The following NKAIN2 variants were observed in gnomAD, a reference collection of about 807,000 sequenced individuals.
The protein encoded by NKAIN2 is sodium/potassium transporting ATPase interacting 2.
In NKAIN2, 14 loss-of-function variants were observed where a neutral mutation model predicts 32.6. That is an observed-to-expected ratio of 0.43 (90% CI 0.28 to 0.67). The LOEUF is 0.67. Ranked by LOEUF, NKAIN2 falls within the 30% of genes least tolerant of loss-of-function variation. The probability of loss-of-function intolerance (pLI) is 0.17; values close to 1 mark genes in which losing one functional copy is unlikely to be tolerated. For synonymous variants in NKAIN2, 80 were observed against 87.2 expected (o/e 0.92, Z 0.46); for missense variants, 198 against 258.3 (o/e 0.77, Z 1.60).
chr6:124,085,723 C>G (rs1784165712), intron 1 of NKAIN2, among the ~76,000 whole-genome samples: 2 of 151,928 alleles, frequency 1.3e-5, no homozygotes, highest in African/African-American at 2.4e-5. Context: ...AGCAAGTATT[C>G]CTGCCCTCCT....
intron 1 of NKAIN2, among the ~76,000 whole-genome samples, chr6:123,807,638 C>T (rs1208136764): frequency 2.6e-5 from 4 of 151,994 alleles, no homozygotes; most frequent in Non-Finnish European, 5.9e-5. Flanking sequence ...TGATATCTCT[C>T]AGTGTGAAAA....
chr6:124,726,828 A>G (rs1270480678), intron 4 of NKAIN2, among the ~76,000 whole-genome samples: 1 of 133,318 alleles, frequency 7.5e-6, no homozygotes, highest in Non-Finnish European at 1.6e-5. Context: ...AGAAGAATGT[A>G]TAACTAGAAT....
intron 3 of NKAIN2, among the ~76,000 whole-genome samples, chr6:124,490,091 G>C (rs369287774): frequency 6.6e-6 from 1 of 151,806 alleles, no homozygotes; most frequent in East Asian, 1.9e-4. Context: ...TTACAGCCAA[G>C]TTACATTTGC....
At chr6:124,138,012 A>G (rs1786910746) in intron 1 of NKAIN2, among the ~76,000 whole-genome samples, 1 of 152,144 alleles carries the variant, frequency 6.6e-6, no homozygotes, top group Non-Finnish European at 1.5e-5. Flanking sequence ...AAATAAATAA[A>G]TGGAACCTAC....
At position 123,892,496 on chromosome 6, in the gene NKAIN2, GA is replaced by G. The variant is rs1450059365; in HGVS notation, c.54+88244del. Among the ~76,000 whole-genome samples the G allele has an allele frequency of 9.5e-5, 12 of 125,894 alleles. No homozygotes were observed. The Admixed American group carries it at 1.0e-3, about 11-fold the overall frequency. 82.6% of individuals were successfully genotyped at this position (125,894 alleles called of 152,430 possible). On this transcript the variant is annotated intron_variant, in intron 1 of 6. Coordinates refer to ENST00000368417, the MANE Select transcript of NKAIN2 (RefSeq NM_001040214.3). ...GCTCTCATGAGACTCGCTATCATGA[GA>G]ACAGCATGGGGGAAACCACCCCCAT...
intron 3 of NKAIN2, among the ~76,000 whole-genome samples, chr6:124,473,555 G>A (rs1777062272): frequency 6.6e-6 from 1 of 151,950 alleles, no homozygotes; most frequent in East Asian, 1.9e-4. Context: ...CTTACTTGTT[G>A]GCACTTTTTT....
At chr6:123,897,429 G>T (rs1233930863) in intron 1 of NKAIN2, among the ~76,000 whole-genome samples, 2 of 152,070 alleles carry the variant, frequency 1.3e-5, no homozygotes, top group Non-Finnish European at 2.9e-5. Flanking sequence ...CCTCTCAAAT[G>T]CTTTTTGATT....
intron 1 of NKAIN2, among the ~76,000 whole-genome samples, chr6:124,190,402 A>T (rs1031652399): frequency 2.0e-5 from 3 of 152,222 alleles, no homozygotes; most frequent in Non-Finnish European, 4.4e-5. Flanking sequence ...AAACCATTTG[A>T]ATGACTGACT....
intron 1 of NKAIN2, among the ~76,000 whole-genome samples, chr6:123,830,513 A>G (rs1487801205): frequency 2.0e-5 from 3 of 152,174 alleles, no homozygotes; most frequent in Non-Finnish European, 4.4e-5. Context: ...CCTCATCTGC[A>G]AAATTATTTT....
chr6:124,441,211 T>C (rs1775674752), intron 3 of NKAIN2, among the ~76,000 whole-genome samples: 1 of 152,084 alleles, frequency 6.6e-6, no homozygotes, highest in Admixed American at 6.6e-5. Context: ...GAATCCTGTG[T>C]CAATGGATCA....
At chr6:123,881,105 G>A (rs536488675) in intron 1 of NKAIN2, among the ~76,000 whole-genome samples, 5 of 152,118 alleles carry the variant, frequency 3.3e-5, no homozygotes, top group South Asian at 4.2e-4. Context: ...AACTGCAACC[G>A]CCACCTCCCC....
intron 1 of NKAIN2, among the ~76,000 whole-genome samples, chr6:124,065,095 C>T (rs1020667775): frequency 6.6e-6 from 1 of 152,084 alleles, no homozygotes; most frequent in Non-Finnish European, 1.5e-5. Flanking sequence ...CACTTTTTCT[C>T]ACAATGTAAC....
intron 1 of NKAIN2, among the ~76,000 whole-genome samples, chr6:123,943,990 A>G (rs1776948569): frequency 6.6e-6 from 1 of 152,054 alleles, no homozygotes; most frequent in African/African-American, 2.4e-5. Flanking sequence ...AATTTTAGAT[A>G]AATATTATTT....
rs190564481 is a variant in NKAIN2 at position 123,975,709 on chromosome 6, A to G, written c.54+171455A>G. Among the ~76,000 whole-genome samples the G allele has an allele frequency of 6.6e-5, 10 of 152,270 alleles. No individual in the cohort carries two copies. The East Asian group carries it at 1.5e-3, about 24-fold the overall frequency. ...TGCTGTGTCTTCACATAGCAAAAGA[A>G]GAGAGTCTCTTAGCCCTTTATAAAG... On this transcript the variant is annotated intron_variant, in intron 1 of 6. Transcript: ENST00000368417.
At chr6:123,858,971 A>G (rs1775670882) in intron 1 of NKAIN2, among the ~76,000 whole-genome samples, 1 of 152,198 alleles carries the variant, frequency 6.6e-6, no homozygotes. Context: ...ATAAGCACAT[A>G]TATTGACATA....
At chr6:123,959,565 T>C (rs1386752114) in intron 1 of NKAIN2, among the ~76,000 whole-genome samples, 1 of 152,216 alleles carries the variant, frequency 6.6e-6, no homozygotes, top group Non-Finnish European at 1.5e-5. Flanking sequence ...AGGGGTATAT[T>C]CATACCCTTT....
intron 1 of NKAIN2, among the ~76,000 whole-genome samples, chr6:123,959,933 G>A (rs1270060354): frequency 1.8e-5 from 1 of 55,762 alleles, no homozygotes; most frequent in Non-Finnish European, 3.5e-5. Flanking sequence ...ATATGTGTGT[G>A]TGTGTGTGTG....
chr6:124,562,467 G>C (rs543189955), intron 3 of NKAIN2, among the ~76,000 whole-genome samples: 1 of 152,154 alleles, frequency 6.6e-6, no homozygotes, highest in Non-Finnish European at 1.5e-5. Flanking sequence ...TATCTGGCTA[G>C]AACAGAGGTT....
At chr6:124,210,618 G>T (rs1045670284) in intron 1 of NKAIN2, among the ~76,000 whole-genome samples, 13 of 151,548 alleles carry the variant, frequency 8.6e-5, no homozygotes, top group Non-Finnish European at 7.4e-5. Context: ...ATATTTTACA[G>T]TTTTCATTAT....
Sources: gnomAD v4.1 joint callset for allele counts (sites outside exome capture counted in the v4.1 genomes callset) on GRCh38, gnomAD v4.1.1 for gene constraint, MANE v1.5 for transcripts, NCBI Gene and HGNC (gene_info 2026-07-23, HGNC 2026-07-21) for gene names.